Variants in GHR observed in about 807,000 individuals in gnomAD.
GHR encodes the protein GH receptor.
In GHR, 35 loss-of-function variants were observed where a neutral mutation model predicts 67.1. That is an observed-to-expected ratio of 0.52 (90% confidence interval 0.40 to 0.69). The LOEUF (loss-of-function observed/expected upper bound fraction) is 0.69, where lower values mean the gene tolerates loss of function less well. GHR is among the 30% of genes least tolerant of loss of function. The probability of loss-of-function intolerance (pLI) is 0.00; values close to 1 mark genes in which losing one functional copy is unlikely to be tolerated. For missense variants in GHR, 792 were observed against 764.6 expected (o/e 1.04, Z -0.42); for synonymous variants, 272 against 269.1 (o/e 1.01, Z -0.10).
chr5:42,425,210 G>A (rs1386686606), intron 1 of GHR, among the ~76,000 whole-genome samples: 1 of 152,212 alleles, frequency 6.6e-6, no homozygotes, highest in Non-Finnish European at 1.5e-5. Context: ...TCTAAGGGAT[G>A]TGTAATATGT....
intron 1 of GHR, among the ~76,000 whole-genome samples, chr5:42,434,853 A>G (rs1443072659): frequency 2.0e-5 from 3 of 152,192 alleles, no homozygotes; most frequent in African/African-American, 7.2e-5. Context: ...AAAGCTTACA[A>G]ATTGGTTGAC....
At chr5:42,605,396 G>A (rs1445513037) in intron 2 of GHR, among the ~76,000 whole-genome samples, 2 of 151,920 alleles carry the variant, frequency 1.3e-5, no homozygotes, top group African/African-American at 2.4e-5. Flanking sequence ...GAGAGCCACC[G>A]CGCCCGGCCT....
At chr5:42,592,200 G>A (rs147748917) in intron 2 of GHR, among the ~76,000 whole-genome samples, 10 of 152,278 alleles carry the variant, frequency 6.6e-5, no homozygotes, top group Non-Finnish European at 8.8e-5. Flanking sequence ...TGCCGAGCAG[G>A]TGCTTGCAAG....
At chr5:42,441,252 G>A (rs924044320) in intron 1 of GHR, among the ~76,000 whole-genome samples, 2 of 152,140 alleles carry the variant, frequency 1.3e-5, no homozygotes, top group African/African-American at 2.4e-5. Flanking sequence ...CAAGGAAAGA[G>A]AATCATTTAA....
intron 1 of GHR, among the ~76,000 whole-genome samples, chr5:42,482,918 A>G (rs1452930991): frequency 6.6e-6 from 1 of 152,178 alleles, no homozygotes; most frequent in Non-Finnish European, 1.5e-5. Flanking sequence ...CACCCCAGTG[A>G]GATGAACCCG....
rs1251177020 is a variant in GHR at position 42,719,201 on chromosome 5, T to C, written c.1694T>C (p.Ile565Thr). The change falls in exon 10 of 10, where the codon ATT becomes ACT. Residue 565 changes from isoleucine (I) to threonine (T), a missense_variant. Coordinates refer to ENST00000230882, the MANE Select transcript of GHR (RefSeq NM_000163.5). The stretch of plus-strand genomic sequence containing the variant: ...CAGCCAAGCTTAAACCAAGAGGACA[T>C]TTACATCACCACAGAAAGCCTTACC... ...HIQPSLNQED[I>T]YITTESLTTA... 2 of 1,614,028 alleles carry C rather than the reference T, an allele frequency of 1.2e-6. No homozygotes were observed. The highest frequency in any genetic ancestry group is 2.7e-5 in the African/African-American group (2 of 75,020).
chr5:42,718,715 A>G lies in GHR; in HGVS notation c.1208A>G (p.Asp403Gly), dbSNP rs186079773. The change falls in exon 10 of 10, where the codon GAC (aspartate) becomes GGC (glycine). Residue 403 changes from aspartate to glycine, a missense_variant. Asp to Gly is a moderately conservative substitution (Grantham distance 94, BLOSUM62 -1). Coordinates refer to ENST00000230882, the MANE Select transcript of GHR (RefSeq NM_000163.5). Reference protein sequence around the residue: ...DILETDFNANDIHEGTSEVAQ... With the variant: ...DILETDFNANGIHEGTSEVAQ... ...CTGGAGACTGATTTCAATGCCAATG[A>G]CATACATGAGGGTACCTCAGAGGTT... The G allele has an allele frequency of 3.7e-6, 6 of 1,614,226 alleles. No homozygotes were observed. The South Asian group carries it at 5.5e-5, about 15-fold the overall frequency.
chr5:42,491,019 T>C (rs1271269754), intron 1 of GHR, among the ~76,000 whole-genome samples: 2 of 152,198 alleles, frequency 1.3e-5, no homozygotes, highest in Non-Finnish European at 2.9e-5. Flanking sequence ...CCGCTGAGGA[T>C]TAATTCCAGG....
intron 8 of GHR, among the ~76,000 whole-genome samples, chr5:42,716,160 A>G (rs1758709347): frequency 2.8e-5 from 3 of 105,444 alleles, no homozygotes; most frequent in Non-Finnish European, 6.4e-5. Context: ...CAATTTCGAG[A>G]TGCAGAATCA....
chr5:42,699,845 C>G lies in GHR; in HGVS notation c.461C>G (p.Ala154Gly). ...DEIVQPDPPI[A>G]LNWTLLNVSL... ...ACAGTGCAACCAGATCCACCCATTG[C>G]CCTCAACTGGACTTTACTGAACGTC... The change falls in exon 6 of 10, where the codon GCC (alanine) becomes GGC (glycine). Residue 154 changes from alanine (A) to glycine (G), a missense_variant. Ala to Gly is a moderately conservative substitution (Grantham distance 60). Coordinates refer to ENST00000230882, the MANE Select transcript of GHR (RefSeq NM_000163.5). 1 of 1,610,540 alleles carries G rather than the reference C, an allele frequency of 6.2e-7. No homozygotes were observed. Among genetic ancestry groups the G allele is most frequent in the African/African-American group, 1.3e-5 (1 of 74,962 alleles).
intron 8 of GHR, among the ~76,000 whole-genome samples, chr5:42,716,062 A>G (rs1485698332): frequency 1.3e-5 from 2 of 152,204 alleles, no homozygotes; most frequent in Non-Finnish European, 2.9e-5. Flanking sequence ...CACACGTCAC[A>G]AAGTCAAACA....
chr5:42,652,180 T>C (rs1158820481), intron 3 of GHR, among the ~76,000 whole-genome samples: 1 of 152,192 alleles, frequency 6.6e-6, no homozygotes, highest in Non-Finnish European at 1.5e-5. Context: ...TTACAGATAG[T>C]TTAGACAACT....
chr5:42,520,497 C>T (rs1579860687), intron 1 of GHR, among the ~76,000 whole-genome samples: 1 of 152,152 alleles, frequency 6.6e-6, no homozygotes, highest in East Asian at 1.9e-4. Context: ...TCTCTCTGTG[C>T]TTTCAGCCTT....
chr5:42,672,897 T>G (rs915902025), intron 3 of GHR, among the ~76,000 whole-genome samples: 1 of 152,098 alleles, frequency 6.6e-6, no homozygotes, highest in South Asian at 2.1e-4. Flanking sequence ...AAAAGCAATT[T>G]CAACAAAAAC....
intron 2 of GHR, among the ~76,000 whole-genome samples, chr5:42,599,386 C>T (rs1241064761): frequency 9.1e-6 from 1 of 109,678 alleles, no homozygotes; most frequent in African/African-American, 4.0e-5. Flanking sequence ...TTTTTTGAGA[C>T]AGAGTTCACT....
At chr5:42,641,494 G>A (rs1460929209) in intron 3 of GHR, among the ~76,000 whole-genome samples, 1 of 151,984 alleles carries the variant, frequency 6.6e-6, no homozygotes, top group Non-Finnish European at 1.5e-5. Context: ...GCTAGCCCAG[G>A]GCAGCCTGTG....
chr5:42,654,863 C>T (rs1362640399), intron 3 of GHR, among the ~76,000 whole-genome samples: 1 of 152,144 alleles, frequency 6.6e-6, no homozygotes, highest in African/African-American at 2.4e-5. Flanking sequence ...TGATTGCAGC[C>T]TAGTTTGTGC....
chr5:42,478,400 G>T (rs1350888231), intron 1 of GHR, among the ~76,000 whole-genome samples: 4 of 152,246 alleles, frequency 2.6e-5, no homozygotes, highest in South Asian at 2.1e-4. Context: ...CTTTAAAGTA[G>T]TTTTTTCCAA....
chr5:42,599,155 G>A (rs1255420452), intron 2 of GHR, among the ~76,000 whole-genome samples: 1 of 152,168 alleles, frequency 6.6e-6, no homozygotes. Context: ...AATAGCTTTA[G>A]TGTAAACTTG....
Sources: allele counts gnomAD v4.1 joint callset (sites outside exome capture counted in the v4.1 genomes callset), GRCh38; gene constraint gnomAD v4.1.1; transcripts MANE v1.5; gene names NCBI Gene and HGNC (gene_info 2026-07-23, HGNC 2026-07-21).